PRKN: variants seen among roughly 807,000 people sequenced by gnomAD.
PRKN encodes the protein parkin RBR E3 ubiquitin protein ligase.
PRKN carries 56 observed loss-of-function variants against 59.5 expected under a neutral mutation model. The ratio of observed to expected loss-of-function variants is 0.94; its 90% confidence interval spans 0.76 to 1.18. The LOEUF is 1.18. Ranked by LOEUF, PRKN falls within the 50% of genes most tolerant of loss-of-function variation. The pLI is 0.00. For missense variants in PRKN, 657 were observed against 596.4 expected (o/e 1.10, Z -1.06); for synonymous variants, 250 against 222.1 (o/e 1.13, Z -1.12).
intron 6 of PRKN, among the ~76,000 whole-genome samples, chr6:161,823,027 TG>T (rs1792096930): frequency 6.6e-6 from 1 of 152,060 alleles, no homozygotes; most frequent in African/African-American, 2.4e-5. Flanking sequence ...CTTGACCGCT[TG>T]GGCTCAAGTG....
In PRKN at chr6:161,407,484, A is replaced by G. The variant is rs766510793; in HGVS notation, c.1084-20607T>C. ...CAATTTAATAGTGGCTTGACCAAAG[A>G]AAGAAAAGCTCCATCATACTACCAT... is the stretch of plus-strand genomic sequence containing the variant. On this transcript the variant is annotated intron_variant, in intron 9 of 11. Coordinates refer to ENST00000366898, the MANE Select transcript of PRKN (RefSeq NM_004562.3). This position sits in a 1 kb window ranked among gnomAD's most constrained non-coding sequence, Gnocchi z 4.9. Among the ~76,000 whole-genome samples the G allele has an allele frequency of 5.3e-4, 81 of 152,304 alleles. No individual in the cohort carries two copies. Among genetic ancestry groups the G allele is most frequent in the South Asian group, 3.1e-3 (15 of 4,820 alleles).
intron 1 of PRKN, among the ~76,000 whole-genome samples, chr6:162,529,834 A>C (rs555935730): frequency 2.6e-5 from 4 of 152,306 alleles, no homozygotes; most frequent in South Asian, 2.1e-4. Context: ...ACAGTAGATA[A>C]AGTAAAAATC....
rs1478484584 is a variant in PRKN, at chr6:161,359,371, G to A, written c.1285+717C>T. ...CCTGGGATGGCCGGGCTTCCCTCCCGCAAGTCAGCTCTGGGCAACCTGCCA... is the reference window on the plus strand; with the variant it reads ...CCTGGGATGGCCGGGCTTCCCTCCCACAAGTCAGCTCTGGGCAACCTGCCA... On this transcript the variant is annotated intron_variant, in intron 11 of 11. Coordinates refer to ENST00000366898, the MANE Select transcript of PRKN (RefSeq NM_004562.3). This position sits in a 1 kb window ranked among gnomAD's most constrained non-coding sequence, Gnocchi z 5.4. 2.0e-5 allele frequency among the ~76,000 whole-genome samples: 3 copies of A among 152,174 alleles called. No individual in the cohort carries two copies. Among genetic ancestry groups the A allele is most frequent in the South Asian group, 2.1e-4 (1 of 4,834 alleles).
At chr6:161,580,380 G>A (rs1781289693) in intron 7 of PRKN, among the ~76,000 whole-genome samples, 1 of 152,156 alleles carries the variant, frequency 6.6e-6, no homozygotes, top group South Asian at 2.1e-4. Flanking sequence ...TCAGGTGACT[G>A]CACCATGGCC....
chr6:162,660,115 T>C (rs963843876), intron 1 of PRKN, among the ~76,000 whole-genome samples: 2 of 152,138 alleles, frequency 1.3e-5, no homozygotes, highest in African/African-American at 2.4e-5. Flanking sequence ...CAATACAAAA[T>C]AGCTTCCTTC....
chr6:162,569,282 G>A lies in PRKN; in HGVS notation c.8-125809C>T, dbSNP rs114491504. 2,222 of 597,924 alleles carry A rather than the reference G, an allele frequency of 3.7e-3. 48 individuals carry two copies. The highest frequency in any genetic ancestry group is 0.036 in the African/African-American group (1,944 of 54,728). 37.0% of individuals were successfully genotyped at this position (597,924 alleles called of 1,614,324 possible). ...GAGGGCTTCCCTGGAGGCCACCATC[G>A]CAGATGTCAAGCAGCGTGGGGAGCT... On this transcript the variant is annotated intron_variant, in intron 1 of 11. Transcript: ENST00000366898.
chr6:162,265,520 G>A (rs550942496), intron 2 of PRKN, among the ~76,000 whole-genome samples: 65 of 152,222 alleles, frequency 4.3e-4, no homozygotes, highest in Non-Finnish European at 7.5e-4. Flanking sequence ...GTGAAACCCC[G>A]TCTGTACTAA....
At chr6:162,074,653 A>G (rs1200651279) in intron 4 of PRKN, among the ~76,000 whole-genome samples, 1 of 152,144 alleles carries the variant, frequency 6.6e-6, no homozygotes, top group Non-Finnish European at 1.5e-5. Flanking sequence ...CACATTTCTT[A>G]AGAATAATTC....
At chr6:162,324,791 T>C (rs1438066664) in intron 2 of PRKN, among the ~76,000 whole-genome samples, 1 of 152,126 alleles carries the variant, frequency 6.6e-6, no homozygotes, top group Non-Finnish European at 1.5e-5. Flanking sequence ...TACATGTATA[T>C]GTACTGGAAT....
intron 7 of PRKN, among the ~76,000 whole-genome samples, chr6:161,631,798 A>C (rs183151126): frequency 3.3e-4 from 40 of 122,654 alleles, no homozygotes; most frequent in South Asian, 8.0e-4. Flanking sequence ...CACACACCCC[A>C]CACACACACA....
chr6:162,454,718 A>C (rs1191921429), intron 1 of PRKN, among the ~76,000 whole-genome samples: 2 of 152,190 alleles, frequency 1.3e-5, no homozygotes, highest in East Asian at 3.9e-4. Flanking sequence ...TGGCTGTTTC[A>C]TGATGGATCA....
chr6:161,757,871 C>CTGTGTG (rs1554301313), intron 7 of PRKN, among the ~76,000 whole-genome samples: 1 of 97,984 alleles, frequency 1.0e-5, no homozygotes, highest in East Asian at 3.0e-4. Flanking sequence ...CTCTCTCTCT[C>CTGTGTG]TGTGTATATA....
At chr6:161,620,952 C>T (rs1282683353) in intron 7 of PRKN, among the ~76,000 whole-genome samples, 2 of 152,132 alleles carry the variant, frequency 1.3e-5, no homozygotes, top group South Asian at 2.1e-4. Flanking sequence ...GGAGGATAGG[C>T]TGTATAATTC....
chr6:161,512,885 G>T (rs1272207585), intron 9 of PRKN, among the ~76,000 whole-genome samples: 1 of 152,114 alleles, frequency 6.6e-6, no homozygotes, highest in African/African-American at 2.4e-5. Context: ...ATAGCTGTAG[G>T]CTTAAGAAAC....
At chr6:162,227,603 T>C (rs144660959) in intron 3 of PRKN, among the ~76,000 whole-genome samples, 1 of 152,330 alleles carries the variant, frequency 6.6e-6, no homozygotes, top group Non-Finnish European at 1.5e-5. Flanking sequence ...CACTTTGTGC[T>C]TGACCTCTAC....
chr6:162,404,883 C>T (rs963314746), intron 2 of PRKN, among the ~76,000 whole-genome samples: 8 of 152,114 alleles, frequency 5.3e-5, no homozygotes, highest in African/African-American at 1.7e-4. Context: ...GAACATAGAG[C>T]CACACACCAA....
In PRKN at chr6:162,555,745, C is replaced by G. The variant is rs552779916; in HGVS notation, c.8-112272G>C. On this transcript the variant is annotated intron_variant, in intron 1 of 11. Coordinates refer to ENST00000366898, the MANE Select transcript of PRKN (RefSeq NM_004562.3). Reference sequence around the variant, plus strand: ...GTGGCTCACGGCTGTAATCCCAGCACTTTGGGAGGCCGAGGCAGGTGGATC... The same window carrying G: ...GTGGCTCACGGCTGTAATCCCAGCAGTTTGGGAGGCCGAGGCAGGTGGATC... Among the ~76,000 whole-genome samples the G allele has an allele frequency of 7.9e-5, 12 of 152,162 alleles. No homozygotes were observed. In the East Asian group the frequency reaches 1.5e-3, roughly 20 times the overall value.
chr6:162,098,624 T>G (rs1056643655), intron 4 of PRKN, among the ~76,000 whole-genome samples: 3 of 152,210 alleles, frequency 2.0e-5, no homozygotes, highest in Admixed American at 6.5e-5. Context: ...ATGGCTGCAC[T>G]CAAGCTGAGT....
chr6:162,324,323 T>G (rs1437363236), intron 2 of PRKN, among the ~76,000 whole-genome samples: 1 of 151,812 alleles, frequency 6.6e-6, no homozygotes, highest in African/African-American at 2.4e-5. Context: ...GAGAACTTCT[T>G]GGGGAATTTC....
Sources: gnomAD v4.1 joint callset for allele counts (sites outside exome capture counted in the v4.1 genomes callset) on GRCh38, gnomAD v4.1.1 for gene constraint, Gnocchi (gnomAD v3.1) non-coding constraint, MANE v1.5 for transcripts, NCBI Gene and HGNC (gene_info 2026-07-23, HGNC 2026-07-21) for gene names.